The following LONP2 variants were observed in gnomAD, a reference collection of about 807,000 sequenced individuals.
LONP2 encodes the protein lon protease homolog 2, peroxisomal.
Under a neutral mutation model 85.6 loss-of-function variants are expected in LONP2, and 60 were observed. The ratio of observed to expected loss-of-function variants is 0.70; its 90% CI spans 0.57 to 0.87. The LOEUF (loss-of-function observed/expected upper bound fraction) is 0.87, where lower values mean the gene tolerates loss of function less well. Among genes scored for constraint, LONP2 ranks in the 40% least tolerant of loss-of-function variants. The pLI is 0.00. For synonymous variants in LONP2, 395 were observed against 389.7 expected, an observed-to-expected ratio of 1.01 and a Z score of -0.16; for missense variants, 860 against 1,063.5, an observed-to-expected ratio of 0.81 and a Z score of 2.66.
chr16:48,303,440 A>G lies in LONP2; in HGVS notation c.1795+135A>G, dbSNP rs1256566249. The G allele has an allele frequency of 4.5e-6, 4 of 892,650 alleles. No individual in the cohort carries two copies. The African/African-American group carries it at 5.0e-5, about 11-fold the overall frequency. 55.3% of individuals were successfully genotyped at this position (892,650 alleles called of 1,614,324 possible). A position where few individuals can be genotyped will look rare whatever the true frequency, so the allele number is the denominator to read the frequency against. On this transcript the variant is annotated intron_variant, in intron 11 of 14. Coordinates refer to ENST00000285737, the MANE Select transcript of LONP2 (RefSeq NM_031490.5). The stretch of plus-strand genomic sequence containing the variant: ...CATGACTCCACTGTTAAATGCATCC[A>G]GTAAGTAATACCTTAATGTTTCAAC...
At chr16:48,325,368 TTATC>T (rs978182785) in intron 11 of LONP2, among the ~76,000 whole-genome samples, 1 of 152,106 alleles carries the variant, frequency 6.6e-6, no homozygotes, top group African/African-American at 2.4e-5. Context: ...TTCCTCCTAT[TTATC>T]TGCAATTTTG....
chr16:48,301,206 A>G lies in LONP2; in HGVS notation c.1661+1418A>G, dbSNP rs575142301. The stretch of plus-strand genomic sequence containing the variant: ...CTTTTGTGATAAGTCACAGTCATAG[A>G]CCCTAATGTTCTAGTCTTTCTTATC... On this transcript the variant is annotated intron_variant, in intron 10 of 14. Coordinates refer to ENST00000285737, the MANE Select transcript of LONP2 (RefSeq NM_031490.5). Among the ~76,000 whole-genome samples the G allele has an allele frequency of 2.0e-5, 3 of 152,246 alleles. No individual in the cohort carries two copies. In the South Asian group the frequency reaches 6.2e-4, roughly 32 times the overall value.
intron 11 of LONP2, among the ~76,000 whole-genome samples, chr16:48,308,407 A>G (rs1972957031): frequency 6.6e-6 from 1 of 152,078 alleles, no homozygotes. Flanking sequence ...TGGGTGGATC[A>G]CTTGAGGTCA....
chr16:48,300,895 G>A (rs998038511), intron 10 of LONP2, among the ~76,000 whole-genome samples: 2 of 152,162 alleles, frequency 1.3e-5, no homozygotes, highest in Non-Finnish European at 2.9e-5. Flanking sequence ...TATGAGGGAT[G>A]GAGAAAAATC....
intron 5 of LONP2, 39 bp from the exon 6 acceptor site, chr16:48,262,739 T>C (rs1195403280): frequency 2.3e-6 from 3 of 1,303,312 alleles, no homozygotes; most frequent in African/African-American, 1.5e-5. Context: ...AATTTTTCTG[T>C]GTTCTTGAAC....
At chr16:48,357,353 T>C (rs893421096), downstream of LONP2, 10 of 152,214 alleles carry the variant, frequency 6.6e-5, no homozygotes, top group African/African-American at 2.4e-4. Context: ...TTTTGGTAAA[T>C]TCAGGTTAGG....
chr16:48,322,087 T>G (rs1973277630), intron 11 of LONP2, among the ~76,000 whole-genome samples: 1 of 151,900 alleles, frequency 6.6e-6, no homozygotes, highest in Non-Finnish European at 1.5e-5. Context: ...CACCCAGCTT[T>G]TTAAAACTTT....
intron 2 of LONP2, among the ~76,000 whole-genome samples, chr16:48,254,663 C>T (rs1002863182): frequency 2.0e-5 from 3 of 152,196 alleles, no homozygotes; most frequent in African/African-American, 7.2e-5. Context: ...TATGCTTTCC[C>T]AACAGCTGTA....
chr16:48,285,163 C>G (rs567408011), intron 8 of LONP2, among the ~76,000 whole-genome samples: 2 of 152,014 alleles, frequency 1.3e-5, no homozygotes, highest in African/African-American at 4.8e-5. Context: ...CGCATGTCCT[C>G]TCACCACTTT....
At chr16:48,308,520 G>A (rs376732364) in intron 11 of LONP2, among the ~76,000 whole-genome samples, 5 of 151,784 alleles carry the variant, frequency 3.3e-5, no homozygotes, top group African/African-American at 9.7e-5. Context: ...CCAGCTACTC[G>A]GGAGGCTGAG....
chr16:48,304,239 A>G (rs1972865843), intron 11 of LONP2, among the ~76,000 whole-genome samples: 1 of 152,228 alleles, frequency 6.6e-6, no homozygotes, highest in African/African-American at 2.4e-5. Flanking sequence ...CAGGTACTGC[A>G]AGGACAGACC....
In LONP2 at chr16:48,305,478, C is replaced by G. The variant is rs140244219; in HGVS notation, c.1795+2173C>G. On this transcript the variant is annotated intron_variant, in intron 11 of 14. Transcript: ENST00000285737. ...CCATGTTGGCCAGGCTGGTCTTCAACTGCTAACCTCAGGTGATCTGCCCAC... is the reference window on the plus strand; with the variant it reads ...CCATGTTGGCCAGGCTGGTCTTCAAGTGCTAACCTCAGGTGATCTGCCCAC... 5.8e-3 allele frequency among the ~76,000 whole-genome samples: 890 copies of G among 152,316 alleles called. 5 individuals carry two copies. The highest frequency in any genetic ancestry group is 0.021 in the African/African-American group (870 of 41,562).
At chr16:48,324,089 T>A (rs1973320785) in intron 11 of LONP2, among the ~76,000 whole-genome samples, 1 of 152,230 alleles carries the variant, frequency 6.6e-6, no homozygotes, top group Non-Finnish European at 1.5e-5. Context: ...TTTTTCTGAT[T>A]TTTTTCAAAA....
At chr16:48,299,493 A>T (rs1210841702) in intron 9 of LONP2, among the ~76,000 whole-genome samples, 169 bp from the exon 10 acceptor site, 1 of 151,968 alleles carries the variant, frequency 6.6e-6, no homozygotes, top group Non-Finnish European at 1.5e-5. Flanking sequence ...GAGGCAGGAG[A>T]ATCACTTGAA....
intron 7 of LONP2, among the ~76,000 whole-genome samples, chr16:48,276,428 A>C (rs760890955): frequency 3.3e-5 from 5 of 152,214 alleles, no homozygotes; most frequent in African/African-American, 4.8e-5. Context: ...TCAGGCTTTT[A>C]TGCCTTTTCA....
intron 8 of LONP2, among the ~76,000 whole-genome samples, chr16:48,283,098 A>C (rs185905999): frequency 1.4e-4 from 22 of 152,366 alleles, no homozygotes; most frequent in Admixed American, 1.2e-3. Context: ...AAGGCTCTTC[A>C]GTTCTATGAA....
At chr16:48,358,794 G>C (rs1960467468), downstream of LONP2, among the ~76,000 whole-genome samples, 1 of 152,132 alleles carries the variant, frequency 6.6e-6, no homozygotes, top group Non-Finnish European at 1.5e-5. Flanking sequence ...ACTCCAGCCT[G>C]GGTGACAGAG....
Position 48,348,123 on chromosome 16 carries a change from G to A in LONP2, c.2170G>A (p.Asp724Asn). The change falls in exon 14 of 15, where the codon GAC becomes AAC. Residue 724 changes from aspartate to asparagine, a missense_variant. Asp to Asn is a conservative substitution (Grantham distance 23, BLOSUM62 1). This residue lies in a region of LONP2 where 743 missense variants were observed against 917.3 expected (regional missense o/e 0.81). Transcript: ENST00000285737. ...TNAFGSFDLLDNTDIHLHFPA... is the reference protein window; with the variant it reads ...TNAFGSFDLLNNTDIHLHFPA... ...AGCTTTTGGAAGTTTTGATCTTCTT[G>A]ACAACACAGACATCCATCTGCACTT... 1.2e-6 allele frequency: 2 copies of A among 1,605,128 alleles called. No individual in the cohort carries two copies. Among genetic ancestry groups the A allele is most frequent in the Non-Finnish European group, 1.7e-6 (2 of 1,177,884 alleles).
chr16:48,319,254 G>T (rs1199572256), intron 11 of LONP2, among the ~76,000 whole-genome samples: 1 of 152,034 alleles, frequency 6.6e-6, no homozygotes, highest in African/African-American at 2.4e-5. Flanking sequence ...GGTGGTGGGT[G>T]CCTGTAATCT....
Sources: allele counts gnomAD v4.1 joint callset (sites outside exome capture counted in the v4.1 genomes callset), GRCh38; gene constraint gnomAD v4.1.1; regional missense constraint gnomAD v4.1.1; transcripts MANE v1.5; gene names NCBI Gene and HGNC (gene_info 2026-07-23, HGNC 2026-07-21).